Variants in KCNMA1 observed in about 807,000 individuals in gnomAD.
KCNMA1 encodes the protein Calcium-activated potassium channel subunit alpha-1.
Under a neutral mutation model 140.0 loss-of-function variants are expected in KCNMA1, and 29 were observed. That is an observed-to-expected ratio of 0.21 (90% confidence interval 0.15 to 0.28). The LOEUF is 0.28. Among genes scored for constraint, KCNMA1 ranks in the 10% least tolerant of loss-of-function variants. The probability of loss-of-function intolerance (pLI) is 1.00; values close to 1 mark genes in which losing one functional copy is unlikely to be tolerated. For synonymous variants in KCNMA1, 612 were observed against 611.9 expected (o/e 1.00, Z 0.00); for missense variants, 880 against 1,602.2 (o/e 0.55, Z 7.70).
At chr10:77,059,794 A>G (rs899167224) in intron 14 of KCNMA1, among the ~76,000 whole-genome samples, 17 of 152,288 alleles carry the variant, frequency 1.1e-4, no homozygotes, top group African/African-American at 3.8e-4. Flanking sequence ...CCTTGAAGAC[A>G]GGTGACAAAG....
intron 14 of KCNMA1, among the ~76,000 whole-genome samples, chr10:77,045,215 GA>G (rs1288599084): frequency 2.0e-5 from 3 of 152,126 alleles, no homozygotes; most frequent in Non-Finnish European, 2.9e-5. Context: ...CTTCTCAGCA[GA>G]AAAAAATGAA....
At chr10:77,287,651 G>A (rs1239220601) in intron 2 of KCNMA1, among the ~76,000 whole-genome samples, 1 of 152,218 alleles carries the variant, frequency 6.6e-6, no homozygotes, top group Non-Finnish European at 1.5e-5. Context: ...GAGTTGGCAT[G>A]AGGATCTCCT....
chr10:77,416,541 G>C (rs923509060), intron 1 of KCNMA1, among the ~76,000 whole-genome samples: 1 of 152,194 alleles, frequency 6.6e-6, no homozygotes, highest in African/African-American at 2.4e-5. Context: ...GTTTATGGTT[G>C]AATATTCCCT....
chr10:77,356,803 G>A (rs939082066), intron 2 of KCNMA1, among the ~76,000 whole-genome samples: 6 of 152,136 alleles, frequency 3.9e-5, no homozygotes, highest in African/African-American at 1.4e-4. Context: ...ATCTCCAGGA[G>A]TGATATCCAC....
At position 77,613,486 on chromosome 10, in the gene KCNMA1, G is replaced by A. The variant is rs116613800; in HGVS notation, c.378+23779C>T. Among the ~76,000 whole-genome samples the A allele has an allele frequency of 7.3e-3, 1,108 of 152,250 alleles. 18 individuals are homozygous for A. The highest frequency in any genetic ancestry group is 0.026 in the African/African-American group (1,063 of 41,544). On this transcript the variant is annotated intron_variant, in intron 1 of 27. Coordinates refer to ENST00000286628, the MANE Select transcript of KCNMA1 (RefSeq NM_001161352.2). The stretch of plus-strand genomic sequence containing the variant: ...AGCAGGAAGCCTATCAAGGCATTTG[G>A]GCCAACTGGTTTTGGCTGCCAAGGG...
chr10:77,016,786 T>C (rs186367830), intron 17 of KCNMA1, among the ~76,000 whole-genome samples: 67 of 152,238 alleles, frequency 4.4e-4, no homozygotes, highest in Non-Finnish European at 7.1e-4. Context: ...AGTGGGATGG[T>C]TTCACTCCTC....
intron 2 of KCNMA1, among the ~76,000 whole-genome samples, chr10:77,348,655 G>C (rs899041825): frequency 1.3e-5 from 2 of 152,148 alleles, no homozygotes; most frequent in Admixed American, 6.5e-5. Flanking sequence ...ATTCCCCACA[G>C]GATCCAGAAA....
At chr10:77,495,557 G>C (rs144687678) in intron 1 of KCNMA1, among the ~76,000 whole-genome samples, 1 of 152,158 alleles carries the variant, frequency 6.6e-6, no homozygotes, top group Non-Finnish European at 1.5e-5. Context: ...TTCTCTGCCC[G>C]TTTTCTCATT....
intron 1 of KCNMA1, among the ~76,000 whole-genome samples, chr10:77,503,126 T>C (rs1047465773): frequency 2.6e-5 from 4 of 152,128 alleles, no homozygotes; most frequent in African/African-American, 9.7e-5. Context: ...ACTTGGCAAC[T>C]CTATCAAAGA....
intron 5 of KCNMA1, among the ~76,000 whole-genome samples, chr10:77,167,450 C>A (rs1460493592): frequency 1.3e-5 from 2 of 152,118 alleles, no homozygotes; most frequent in South Asian, 4.1e-4. Flanking sequence ...TTTATAGATT[C>A]ATCTTTCCTA....
At chr10:77,067,507 C>T (rs535203080) in intron 14 of KCNMA1, among the ~76,000 whole-genome samples, 5 of 152,276 alleles carry the variant, frequency 3.3e-5, no homozygotes, top group Admixed American at 1.3e-4. Flanking sequence ...TGTGTGTGCA[C>T]ACACACACAC....
At chr10:77,123,581 C>T (rs7093275) in intron 5 of KCNMA1, among the ~76,000 whole-genome samples, 48,939 of 151,978 alleles carry the variant, frequency 0.32, 8,507 homozygotes, top group Non-Finnish European at 0.39. Context: ...TGGCAGTTAG[C>T]ACTGAAACTA....
chr10:77,471,588 TCACA>T (rs760749885), intron 1 of KCNMA1, among the ~76,000 whole-genome samples: 3 of 138,874 alleles, frequency 2.2e-5, no homozygotes, highest in Non-Finnish European at 4.7e-5. Context: ...ATACCACAGG[TCACA>T]CACACACACC....
intron 2 of KCNMA1, among the ~76,000 whole-genome samples, chr10:77,331,148 A>G (rs539415479): frequency 6.6e-4 from 101 of 151,978 alleles, no homozygotes; most frequent in African/African-American, 2.3e-3. Flanking sequence ...AGAGAGCTCA[A>G]TCATCACATG....
rs543754565 is a variant in KCNMA1, at chr10:77,027,930, G to C, written c.1860-39C>G. 22 of 1,545,050 alleles carry C rather than the reference G, an allele frequency of 1.4e-5. No homozygotes were observed. The South Asian group carries it at 2.0e-4, about 14-fold the overall frequency. On this transcript the variant is annotated intron_variant, in intron 15 of 27. Coordinates refer to ENST00000286628, the MANE Select transcript of KCNMA1 (RefSeq NM_001161352.2). Reference sequence around the variant, plus strand: ...GAGAAGCCTCCCAATCAGTTCTTCTGAATGACCAGAGCCACATAACACACA... The same window carrying C: ...GAGAAGCCTCCCAATCAGTTCTTCTCAATGACCAGAGCCACATAACACACA...
At chr10:77,488,013 A>T (rs2098481275) in intron 1 of KCNMA1, among the ~76,000 whole-genome samples, 5 of 152,154 alleles carry the variant, frequency 3.3e-5, no homozygotes, top group Admixed American at 3.3e-4. Flanking sequence ...ATATGGGTTA[A>T]CTGTCCTCAA....
intron 2 of KCNMA1, chr10:77,354,537 C>T (rs760789564): frequency 5.3e-5 from 8 of 152,194 alleles, no homozygotes; most frequent in African/African-American, 1.9e-4. Context: ...TGCGGCATCA[C>T]GTCTGTTGCC....
intron 1 of KCNMA1, among the ~76,000 whole-genome samples, chr10:77,610,727 G>A (rs2086538085): frequency 6.6e-6 from 1 of 152,240 alleles, no homozygotes; most frequent in Non-Finnish European, 1.5e-5. Context: ...GGGACTGGGA[G>A]CAGAGGGAAT....
At chr10:77,429,292 CT>C in intron 1 of KCNMA1, among the ~76,000 whole-genome samples, 1 of 152,324 alleles carries the variant, frequency 6.6e-6, no homozygotes. Flanking sequence ...ACAATTGTCA[CT>C]TTGGCTAGAT....
Sources: gnomAD v4.1 joint callset for allele counts (sites outside exome capture counted in the v4.1 genomes callset) on GRCh38, gnomAD v4.1.1 for gene constraint, MANE v1.5 for transcripts, NCBI Gene and HGNC (gene_info 2026-07-23, HGNC 2026-07-21) for gene names.